Variants in LRRFIP2 observed in about 807,000 individuals in gnomAD.
LRRFIP2 encodes the protein LRR binding FLII interacting protein 2.
In LRRFIP2, 109 loss-of-function variants were observed where a neutral mutation model predicts 125.9. That is an observed-to-expected ratio of 0.87 (90% CI 0.74 to 1.01). The LOEUF (loss-of-function observed/expected upper bound fraction) is 1.01. LRRFIP2 is among the 50% of genes least tolerant of loss of function. The pLI, the probability that LRRFIP2 is intolerant of heterozygous loss-of-function variation, is 0.00. For synonymous variants in LRRFIP2, 291 were observed against 293.1 expected (o/e 0.99, Z 0.07); for missense variants, 850 against 862.3 (o/e 0.99, Z 0.18).
chr3:37,082,712 G>A (rs1044912322), intron 19 of LRRFIP2, among the ~76,000 whole-genome samples: 3 of 151,956 alleles, frequency 2.0e-5, no homozygotes, highest in Non-Finnish European at 4.4e-5. Context: ...TCCTCCAAAC[G>A]CCTGGCAAAC....
At chr3:37,121,338 AG>A in intron 6 of LRRFIP2, 153 bp downstream of exon 6, 2 of 659,884 alleles carry the variant, frequency 3.0e-6, no homozygotes, top group Non-Finnish European at 5.3e-6. Flanking sequence ...TTTGAAAGAA[AG>A]CATCATTTTC....
At chr3:37,081,890 A>C (rs940125231) in intron 19 of LRRFIP2, among the ~76,000 whole-genome samples, 46 of 150,188 alleles carry the variant, frequency 3.1e-4, no homozygotes, top group Admixed American at 2.0e-3. Flanking sequence ...TTGTCTCCAA[A>C]AGAAAAAAAA....
intron 4 of LRRFIP2, among the ~76,000 whole-genome samples, chr3:37,122,339 C>CA (rs1210713027): frequency 6.6e-6 from 1 of 151,892 alleles, no homozygotes; most frequent in African/African-American, 2.4e-5. Context: ...ATAATCTTGG[C>CA]AATGTTCCTA....
At chr3:37,061,118 C>A (rs1028203943) in intron 24 of LRRFIP2, among the ~76,000 whole-genome samples, 6 of 152,178 alleles carry the variant, frequency 3.9e-5, no homozygotes, top group African/African-American at 1.2e-4. Context: ...TACCTCCCCA[C>A]TCTCTCTGGC....
chr3:37,115,155 G>C, intron 6 of LRRFIP2, 60 bp from the exon 7 acceptor site: 2 of 1,179,768 alleles, frequency 1.7e-6, no homozygotes, highest in Non-Finnish European at 2.5e-6. Context: ...ATAAAGAAGA[G>C]AAGAAGTAAT....
At chr3:37,065,454 T>C in intron 23 of LRRFIP2, 1 of 423,252 alleles carries the variant, frequency 2.4e-6, no homozygotes, top group Non-Finnish European at 4.7e-6. Context: ...GATGAGAAAC[T>C]TATAACACAC....
At chr3:37,133,904 T>G (rs2095490969) in intron 2 of LRRFIP2, among the ~76,000 whole-genome samples, 1 of 152,204 alleles carries the variant, frequency 6.6e-6, no homozygotes, top group South Asian at 2.1e-4. Flanking sequence ...TTAGAGTCTT[T>G]CGGCTGATAT....
chr3:37,105,180 A>C (rs1462005160), intron 14 of LRRFIP2, among the ~76,000 whole-genome samples: 1 of 152,242 alleles, frequency 6.6e-6, no homozygotes, highest in Non-Finnish European at 1.5e-5. Flanking sequence ...ATGTATGTGC[A>C]TAAAACAGCA....
intron 13 of LRRFIP2, among the ~76,000 whole-genome samples, chr3:37,106,418 A>C (rs2094326534): frequency 6.6e-6 from 1 of 152,206 alleles, no homozygotes; most frequent in South Asian, 2.1e-4. Flanking sequence ...AACATCACTA[A>C]GAAACCATTC....
intron 1 of LRRFIP2, chr3:37,154,620 GA>G (rs1179232562): frequency 6.6e-6 from 1 of 152,218 alleles, no homozygotes; most frequent in African/African-American, 2.4e-5. Flanking sequence ...TTACAGAAAA[GA>G]AGGAAAGTAT....
At chr3:37,153,157 G>T (rs1406488023) in intron 1 of LRRFIP2, among the ~76,000 whole-genome samples, 1 of 152,080 alleles carries the variant, frequency 6.6e-6, no homozygotes, top group African/African-American at 2.4e-5. Context: ...AGCACTTTGG[G>T]AGGCTGAATC....
chr3:37,079,075 G>C (rs1159111018), intron 19 of LRRFIP2, among the ~76,000 whole-genome samples: 1 of 151,828 alleles, frequency 6.6e-6, no homozygotes. Flanking sequence ...CTTATATCTA[G>C]AATATATAAA....
At chr3:37,079,418 C>A (rs1018936757) in intron 19 of LRRFIP2, among the ~76,000 whole-genome samples, 11 of 152,102 alleles carry the variant, frequency 7.2e-5, no homozygotes, top group African/African-American at 2.7e-4. Context: ...TCAGCAATTC[C>A]ACTCCCAAGT....
At chr3:37,120,787 A>T (rs939208240) in intron 6 of LRRFIP2, among the ~76,000 whole-genome samples, 9 of 128,126 alleles carry the variant, frequency 7.0e-5, no homozygotes, top group Non-Finnish European at 1.6e-4. Context: ...TATTAAAATA[A>T]AAAAAATTTT....
At chr3:37,071,533 T>C (rs1357381294) in intron 21 of LRRFIP2, among the ~76,000 whole-genome samples, 1 of 152,020 alleles carries the variant, frequency 6.6e-6, no homozygotes, top group African/African-American at 2.4e-5. Context: ...AATCTTCCCA[T>C]GTGTATATTA....
chr3:37,080,293 G>A (rs764890499), intron 19 of LRRFIP2, among the ~76,000 whole-genome samples: 1 of 151,982 alleles, frequency 6.6e-6, no homozygotes, highest in African/African-American at 2.4e-5. Flanking sequence ...CTACTCAGAA[G>A]GCTGAGGCAG....
At chr3:37,158,724 G>A (rs1217958269) in intron 1 of LRRFIP2, among the ~76,000 whole-genome samples, 1 of 151,818 alleles carries the variant, frequency 6.6e-6, no homozygotes, top group East Asian at 1.9e-4. Context: ...AAAAAGTAAG[G>A]GAAATGGGAA....
chr3:37,168,892 ACCTCAG>A (rs2096547177), intron 1 of LRRFIP2, among the ~76,000 whole-genome samples: 1 of 152,150 alleles, frequency 6.6e-6, no homozygotes, highest in Non-Finnish European at 1.5e-5. Context: ...TGATCCTCCT[ACCTCAG>A]CCTGAGTACC....
rs529567438 is a variant in LRRFIP2, at chr3:37,133,271, T to C, written c.91-4122A>G. Among the ~76,000 whole-genome samples the C allele has an allele frequency of 2.6e-5, 4 of 152,206 alleles. No homozygotes were observed. In the South Asian group the frequency reaches 8.3e-4, roughly 32 times the overall value. ...AAATAAAGTTGGCTAAAACACACAA[T>C]TACCATTTGATCCAATAATTCCACC... On this transcript the variant is annotated intron_variant, in intron 2 of 27. Transcript: ENST00000336686.
Sources: gnomAD v4.1 joint callset for allele counts (sites outside exome capture counted in the v4.1 genomes callset) on GRCh38, gnomAD v4.1.1 for gene constraint, MANE v1.5 for transcripts, NCBI Gene and HGNC (gene_info 2026-07-23, HGNC 2026-07-21) for gene names.